The following TMEM156 variants were observed in gnomAD, a reference collection of about 807,000 sequenced individuals.
The protein encoded by TMEM156 is transmembrane protein 156.
Under a neutral mutation model 30.5 loss-of-function variants are expected in TMEM156, and 28 were observed. The ratio of observed to expected loss-of-function variants is 0.92; its 90% confidence interval spans 0.68 to 1.26. The LOEUF is 1.26. Ranked by LOEUF, TMEM156 falls within the 50% of genes most tolerant of loss-of-function variation. The probability of loss-of-function intolerance (pLI) is 0.00; values close to 1 mark genes in which losing one functional copy is unlikely to be tolerated. For missense variants in TMEM156, 351 were observed against 340.6 expected (o/e 1.03, Z -0.24); for synonymous variants, 137 against 119.9 (o/e 1.14, Z -0.93).
intron 1 of TMEM156, among the ~76,000 whole-genome samples, chr4:39,006,091 T>G (rs1399622221): frequency 6.6e-6 from 1 of 152,126 alleles, no homozygotes; most frequent in Non-Finnish European, 1.5e-5. Flanking sequence ...AGATGAAGTT[T>G]CACAATATTG....
chr4:38,994,843 C>T (rs886496618), intron 2 of TMEM156, among the ~76,000 whole-genome samples: 3 of 151,844 alleles, frequency 2.0e-5, no homozygotes, highest in Non-Finnish European at 2.9e-5. Flanking sequence ...AGCTACTTGG[C>T]AGGAGACTCG....
rs1056392550 is a variant in TMEM156, at chr4:38,972,079, G to A, written c.824-942C>T. On this transcript the variant is annotated intron_variant, in intron 5 of 6. Coordinates refer to ENST00000381938, the MANE Select transcript of TMEM156 (RefSeq NM_024943.3). ...GCTGGGATTACAGGTGTGAGTGACC[G>A]CGCCCAGCCGAGGTGACCTACAATT... 4.0e-5 allele frequency among the ~76,000 whole-genome samples: 6 copies of A among 150,630 alleles called. No individual in the cohort carries two copies. The South Asian group carries it at 6.3e-4, about 16-fold the overall frequency.
At chr4:38,969,759 AT>A (rs1722509274) in intron 6 of TMEM156, among the ~76,000 whole-genome samples, 1 of 151,880 alleles carries the variant, frequency 6.6e-6, no homozygotes, top group African/African-American at 2.4e-5. Context: ...CGCCTGGCTA[AT>A]TTTTGTATTT....
intron 5 of TMEM156, among the ~76,000 whole-genome samples, chr4:38,977,354 C>A (rs1488022033): frequency 2.0e-5 from 3 of 152,166 alleles, no homozygotes; most frequent in African/African-American, 4.8e-5. Flanking sequence ...TAAAATATAA[C>A]TGTAATTTAC....
intron 6 of TMEM156, among the ~76,000 whole-genome samples, chr4:38,969,393 G>A (rs1722491810): frequency 6.6e-6 from 1 of 152,124 alleles, no homozygotes; most frequent in East Asian, 1.9e-4. Context: ...TCCCATCCAA[G>A]TTGCTGCATA....
chr4:38,981,791 T>A (rs1325250088), intron 5 of TMEM156, among the ~76,000 whole-genome samples: 1 of 152,216 alleles, frequency 6.6e-6, no homozygotes, highest in Non-Finnish European at 1.5e-5. Context: ...TTCTCCTATG[T>A]CAACCACAGG....
At chr4:39,015,245 T>A (rs964859819) in intron 1 of TMEM156, among the ~76,000 whole-genome samples, 1 of 152,216 alleles carries the variant, frequency 6.6e-6, no homozygotes, top group Non-Finnish European at 1.5e-5. Context: ...TCCTGGAACC[T>A]GTAAATATAT....
At chr4:38,996,324 C>T (rs150655212) in intron 2 of TMEM156, among the ~76,000 whole-genome samples, 320 of 150,534 alleles carry the variant, frequency 2.1e-3, no homozygotes, top group Middle Eastern at 0.01. Context: ...TTCCGGAGGC[C>T]GAGGCGGGTG....
rs2276887 is a variant in TMEM156 at position 38,988,955 on chromosome 4, A to T, written c.635T>A (p.Met212Lys). Residue 212 changes from methionine (M) to lysine (K), a missense_variant, in exon 4 of 7, where the codon ATG (methionine) becomes AAG (lysine). Transcript: ENST00000381938. ...AACTAAAATATACCAAGTGATCTTC[A>T]TGGAACAAGTGATATCTGTAAAGAA... Reference protein sequence around the residue: ...EMDIKNITCSMKITWYILVLL... With the variant: ...EMDIKNITCSKKITWYILVLL... 17 of 1,611,830 alleles carry T rather than the reference A, an allele frequency of 1.1e-5. No homozygotes were observed. In the East Asian group the frequency reaches 3.8e-4, roughly 36 times the overall value.
In TMEM156 at chr4:39,007,450, A is replaced by AT. The variant is rs557697994; in HGVS notation, c.89-8542dup. On this transcript the variant is annotated intron_variant, in intron 1 of 6. Transcript: ENST00000381938. Reference sequence around the variant, plus strand: ...TTATGTATTTATTTATCTATTTTTTATTTTTTTATTTTTATGTTTTGAAAC... The same window carrying AT: ...TTATGTATTTATTTATCTATTTTTTATTTTTTTTATTTTTATGTTTTGAAAC... 4.9e-4 allele frequency among the ~76,000 whole-genome samples: 74 copies of AT among 151,064 alleles called. No individual in the cohort carries two copies. In the East Asian group the frequency reaches 0.012, roughly 25 times the overall value.
intron 6 of TMEM156, among the ~76,000 whole-genome samples, chr4:38,969,123 T>G (rs981979697): frequency 6.6e-6 from 1 of 152,246 alleles, no homozygotes; most frequent in Admixed American, 6.5e-5. Flanking sequence ...TGTGTAATTA[T>G]AGTCACGCTA....
intron 1 of TMEM156, among the ~76,000 whole-genome samples, chr4:39,016,103 T>C (rs867644697): frequency 1.3e-5 from 2 of 152,112 alleles, no homozygotes; most frequent in Non-Finnish European, 2.9e-5. Flanking sequence ...TGGCTGGGTG[T>C]GGTGGCTCAC....
At position 39,031,894 on chromosome 4, in the gene TMEM156, A is replaced by C. The variant is rs578192661; in HGVS notation, c.88+332T>G. Among the ~76,000 whole-genome samples the C allele has an allele frequency of 4.5e-4, 54 of 120,432 alleles. 2 individuals carry two copies. Among genetic ancestry groups the C allele is most frequent in the Admixed American group, 2.6e-3 (27 of 10,442 alleles). The allele number at this position is 120,432 out of a possible 152,430, so 79.0% of individuals were successfully genotyped here. A position where few individuals can be genotyped will look rare whatever the true frequency, so the allele number is the denominator to read the frequency against. On this transcript the variant is annotated intron_variant, in intron 1 of 6. Transcript: ENST00000381938. ...ACTCCATCTCAAAAAAAAAAAATAA[A>C]AAATAAAAAAATAAAAAAAAACTGC...
chr4:38,997,893 A>G (rs1051206896), intron 2 of TMEM156, among the ~76,000 whole-genome samples: 2 of 152,236 alleles, frequency 1.3e-5, no homozygotes, highest in Admixed American at 1.3e-4. Context: ...CAAGAAGCTT[A>G]CTGGAGAGTC....
intron 5 of TMEM156, among the ~76,000 whole-genome samples, chr4:38,986,113 A>G (rs995750177): frequency 6.6e-6 from 1 of 152,222 alleles, no homozygotes; most frequent in East Asian, 1.9e-4. Context: ...CTTCTTGCCA[A>G]TTAAGCAAAC....
chr4:38,986,129 A>G (rs1297708590), intron 5 of TMEM156, among the ~76,000 whole-genome samples: 1 of 152,220 alleles, frequency 6.6e-6, no homozygotes, highest in Non-Finnish European at 1.5e-5. Context: ...CAAACTTTCC[A>G]TTATTTAAGG....
chr4:38,983,921 T>C (rs574780074), intron 5 of TMEM156, among the ~76,000 whole-genome samples: 15 of 152,344 alleles, frequency 9.8e-5, no homozygotes, highest in Admixed American at 8.5e-4. Flanking sequence ...TATACTTATT[T>C]CCCTTGAGGG....
intron 6 of TMEM156, among the ~76,000 whole-genome samples, chr4:38,970,056 C>T (rs974483041): frequency 3.3e-4 from 50 of 152,170 alleles, no homozygotes; most frequent in Non-Finnish European, 4.4e-5. Context: ...GTTATTCTCT[C>T]TTTTCAGGGT....
At chr4:38,970,562 G>T (rs928803570) in intron 6 of TMEM156, among the ~76,000 whole-genome samples, 2 of 151,652 alleles carry the variant, frequency 1.3e-5, no homozygotes, top group Non-Finnish European at 2.9e-5. Context: ...TTTGATGAAT[G>T]AATAAAAAAA....
Sources: gnomAD v4.1 joint callset for allele counts (sites outside exome capture counted in the v4.1 genomes callset) on GRCh38, gnomAD v4.1.1 for gene constraint, MANE v1.5 for transcripts, NCBI Gene and HGNC (gene_info 2026-07-23, HGNC 2026-07-21) for gene names.